RBMS3: variants seen among roughly 807,000 people sequenced by gnomAD.
RBMS3 encodes the protein RNA binding motif single stranded interacting protein 3.
Under a neutral mutation model 66.8 loss-of-function variants are expected in RBMS3, and 27 were observed. That is an observed-to-expected ratio of 0.40 (90% CI 0.30 to 0.56). The LOEUF is 0.56. Ranked by LOEUF, RBMS3 falls within the 20% of genes least tolerant of loss-of-function variation. The pLI, the probability that RBMS3 is intolerant of heterozygous loss-of-function variation, is 0.40. For missense variants in RBMS3, 513 were observed against 549.5 expected (o/e 0.93, Z 0.66); for synonymous variants, 188 against 183.0 (o/e 1.03, Z -0.22).
intron 1 of RBMS3, among the ~76,000 whole-genome samples, chr3:29,338,800 A>G (rs1031976665): frequency 4.6e-5 from 7 of 150,930 alleles, no homozygotes; most frequent in African/African-American, 1.2e-4. Context: ...TTACTTTTGC[A>G]TGAGTAATGT....
chr3:29,995,679 T>C lies in RBMS3; in HGVS notation c.1307+4470T>C, dbSNP rs1000399101. ...ATCCAGCCAAACTAAGCTTCATAAG[T>C]GAAGGAGAAATAAAATCCTTTACAA... On this transcript the variant is annotated intron_variant, in intron 14 of 14. Coordinates refer to ENST00000383767, the MANE Select transcript of RBMS3 (RefSeq NM_001003793.3). 9.2e-5 allele frequency among the ~76,000 whole-genome samples: 14 copies of C among 152,082 alleles called. No homozygotes were observed. In the East Asian group the frequency reaches 2.3e-3, roughly 25 times the overall value.
intron 3 of RBMS3, among the ~76,000 whole-genome samples, chr3:29,532,979 T>C (rs1348265658): frequency 6.6e-6 from 1 of 152,214 alleles, no homozygotes; most frequent in Non-Finnish European, 1.5e-5. Context: ...ATAGATCTTT[T>C]TTTTTAGGTA....
At chr3:29,471,459 TAAGAC>T (rs2042722925) in intron 2 of RBMS3, among the ~76,000 whole-genome samples, 1 of 152,290 alleles carries the variant, frequency 6.6e-6, no homozygotes, top group South Asian at 2.1e-4. Context: ...CGATTAAAGT[TAAGAC>T]AAGCGAACAA....
chr3:29,816,068 A>C (rs1276345786), intron 6 of RBMS3, among the ~76,000 whole-genome samples: 4 of 152,150 alleles, frequency 2.6e-5, no homozygotes, highest in Non-Finnish European at 5.9e-5. Flanking sequence ...GTAATTTCAT[A>C]GTCCAGTTTG....
At chr3:30,001,113 A>G (rs946720869) in intron 14 of RBMS3, among the ~76,000 whole-genome samples, 1 of 152,106 alleles carries the variant, frequency 6.6e-6, no homozygotes, top group Non-Finnish European at 1.5e-5. Flanking sequence ...TTAGATACCT[A>G]TGTAATTCTT....
intron 4 of RBMS3, among the ~76,000 whole-genome samples, chr3:29,709,058 C>T (rs1333607230): frequency 6.6e-6 from 1 of 152,184 alleles, no homozygotes; most frequent in East Asian, 1.9e-4. Flanking sequence ...TGCTGAAGTC[C>T]GATCTGCGTC....
At chr3:29,970,734 T>C (rs1697174585) in intron 12 of RBMS3, among the ~76,000 whole-genome samples, 3 of 152,300 alleles carry the variant, frequency 2.0e-5, no homozygotes, top group African/African-American at 7.2e-5. Flanking sequence ...TTTGCTCTCT[T>C]TATTCTAGGT....
chr3:29,323,565 C>T (rs2035133063), intron 1 of RBMS3, among the ~76,000 whole-genome samples: 2 of 151,906 alleles, frequency 1.3e-5, no homozygotes, highest in Admixed American at 1.3e-4. Context: ...GTAAAATTAA[C>T]AGTAGAAAGA....
At chr3:29,736,173 T>C (rs1692334279) in intron 4 of RBMS3, among the ~76,000 whole-genome samples, 1 of 152,206 alleles carries the variant, frequency 6.6e-6, no homozygotes, top group South Asian at 2.1e-4. Flanking sequence ...TCAACCAATA[T>C]ATTCAAGACT....
At chr3:29,768,025 T>C (rs911661837) in intron 6 of RBMS3, among the ~76,000 whole-genome samples, 1 of 151,988 alleles carries the variant, frequency 6.6e-6, no homozygotes, top group Non-Finnish European at 1.5e-5. Flanking sequence ...TCTCCAAATG[T>C]TTTATCTTTG....
chr3:29,573,393 A>G (rs2047006704), intron 3 of RBMS3, among the ~76,000 whole-genome samples: 1 of 152,176 alleles, frequency 6.6e-6, no homozygotes, highest in African/African-American at 2.4e-5. Flanking sequence ...CTGGGATTGC[A>G]GGCATGAGCC....
chr3:29,667,106 G>A lies in RBMS3; in HGVS notation c.400-72614G>A, dbSNP rs530986112. On this transcript the variant is annotated intron_variant, in intron 4 of 14. Transcript: ENST00000383767. Reference sequence around the variant, plus strand: ...GCTGCAAAAATATCTGGGAAATAATGTTCTTGCCCTCCTTTCCCCAAATAA... The same window carrying A: ...GCTGCAAAAATATCTGGGAAATAATATTCTTGCCCTCCTTTCCCCAAATAA... Among the ~76,000 whole-genome samples, 33 of 152,230 alleles carry A rather than the reference G, an allele frequency of 2.2e-4. 1 individual carries two copies. In the East Asian group the frequency reaches 2.3e-3, roughly 11 times the overall value.
rs1491567884 is a variant in RBMS3 at position 29,527,181 on chromosome 3, T to TTAAAAAAAA, written c.307+38682_307+38683insTAAAAAAAA. On this transcript the variant is annotated intron_variant, in intron 3 of 14. Coordinates refer to ENST00000383767, the MANE Select transcript of RBMS3 (RefSeq NM_001003793.3). Reference sequence around the variant, plus strand: ...TTTCAGACGTGATTGTTAGGTAGAGTAAAAAAAAAAAAAAAAAAAAAAAAA... The same window carrying TTAAAAAAAA: ...TTTCAGACGTGATTGTTAGGTAGAGTTAAAAAAAAAAAAAAAAAAAAAAAAAAAAAAAAA... Among the ~76,000 whole-genome samples the TTAAAAAAAA allele has an allele frequency of 5.0e-4, 44 of 87,820 alleles. 4 individuals carry two copies. Among genetic ancestry groups the TTAAAAAAAA allele is most frequent in the African/African-American group, 1.6e-3 (33 of 21,072 alleles). 57.6% of individuals were successfully genotyped at this position (87,820 alleles called of 152,430 possible). A position where few individuals can be genotyped will look rare whatever the true frequency, so the allele number is the denominator to read the frequency against.
chr3:29,358,051 T>C (rs553842585), intron 1 of RBMS3, among the ~76,000 whole-genome samples: 1 of 152,318 alleles, frequency 6.6e-6, no homozygotes, highest in African/African-American at 2.4e-5. Flanking sequence ...GCTCTTTACG[T>C]AGATCCCATT....
At chr3:29,632,645 A>G (rs991806756) in intron 4 of RBMS3, among the ~76,000 whole-genome samples, 20 of 151,920 alleles carry the variant, frequency 1.3e-4, no homozygotes, top group African/African-American at 4.6e-4. Flanking sequence ...TGTAAATAGC[A>G]TTTTGTGATC....
intron 6 of RBMS3, among the ~76,000 whole-genome samples, chr3:29,788,798 T>A (rs1414273180): frequency 6.6e-6 from 1 of 152,190 alleles, no homozygotes; most frequent in East Asian, 1.9e-4. Flanking sequence ...TTATTTAATT[T>A]TGATAACTTT....
rs114602221 is a variant in RBMS3, at chr3:29,567,063, T to A, written c.308-20051T>A. 9.9e-3 allele frequency among the ~76,000 whole-genome samples: 1,510 copies of A among 152,270 alleles called. 30 individuals are homozygous for A. Among genetic ancestry groups the A allele is most frequent in the African/African-American group, 0.035 (1,455 of 41,546 alleles). ...TAGGTTTTTGTATTTGTGATAAGCATACCACATAGAGCCCTCAGTGAATGT... is the reference window on the plus strand; with the variant it reads ...TAGGTTTTTGTATTTGTGATAAGCAAACCACATAGAGCCCTCAGTGAATGT... On this transcript the variant is annotated intron_variant, in intron 3 of 14. Transcript: ENST00000383767.
At chr3:29,810,565 T>A (rs529112902) in intron 6 of RBMS3, among the ~76,000 whole-genome samples, 112 of 152,224 alleles carry the variant, frequency 7.4e-4, no homozygotes, top group Non-Finnish European at 2.9e-4. Flanking sequence ...TAAAGCCAAG[T>A]GACAAATGAA....
intron 3 of RBMS3, among the ~76,000 whole-genome samples, chr3:29,560,296 C>G (rs1015427520): frequency 6.6e-6 from 1 of 152,188 alleles, no homozygotes; most frequent in Non-Finnish European, 1.5e-5. Flanking sequence ...TTCTTCCCCA[C>G]TTTAGTGGCT....
Sources: allele counts gnomAD v4.1 joint callset (sites outside exome capture counted in the v4.1 genomes callset), GRCh38; gene constraint gnomAD v4.1.1; transcripts MANE v1.5; gene names NCBI Gene and HGNC (gene_info 2026-07-23, HGNC 2026-07-21).